NBEA: variants seen among roughly 807,000 people sequenced by gnomAD.
NBEA encodes the protein lysosomal-trafficking regulator 2.
NBEA carries 44 observed loss-of-function variants against 343.4 expected under a neutral mutation model. That is an observed-to-expected ratio of 0.13 (90% CI 0.10 to 0.16). NBEA has a LOEUF of 0.16. NBEA is among the 10% of genes least tolerant of loss of function. The probability of loss-of-function intolerance (pLI) is 1.00; values close to 1 mark genes in which losing one functional copy is unlikely to be tolerated. For missense variants in NBEA, 2,555 were observed against 3,631.3 expected (o/e 0.70, Z 7.62); for synonymous variants, 1,175 against 1,238.7 (o/e 0.95, Z 1.08).
chr13:35,606,914 G>A (rs4943308), intron 48 of NBEA, among the ~76,000 whole-genome samples: 4,161 of 152,138 alleles, frequency 0.027, 125 homozygotes, highest in Admixed American at 0.089. Context: ...TTTATCTACT[G>A]ACTAAATCTG....
intron 47 of NBEA, among the ~76,000 whole-genome samples, chr13:35,596,971 C>T (rs374392597): frequency 1.3e-5 from 2 of 151,268 alleles, no homozygotes. Context: ...AAAGTGAAAA[C>T]GTCTGGATCG....
At chr13:35,546,105 C>T (rs1451971600) in intron 41 of NBEA, among the ~76,000 whole-genome samples, 1 of 152,082 alleles carries the variant, frequency 6.6e-6, no homozygotes, top group Non-Finnish European at 1.5e-5. Flanking sequence ...CACTGTGTAT[C>T]GAACAGTAAA....
intron 10 of NBEA, among the ~76,000 whole-genome samples, chr13:35,079,356 C>T (rs998470367): frequency 4.6e-5 from 7 of 151,908 alleles, no homozygotes; most frequent in South Asian, 2.1e-4. Context: ...TACAAAAATA[C>T]GGAAAACAAG....
chr13:35,299,447 A>G (rs2036386112), intron 35 of NBEA, among the ~76,000 whole-genome samples: 1 of 152,174 alleles, frequency 6.6e-6, no homozygotes, highest in African/African-American at 2.4e-5. Context: ...GCGATTGTGA[A>G]GAGAACATAG....
In NBEA at chr13:34,999,133, T is replaced by C. The variant is rs553747193; in HGVS notation, c.295-41800T>C. ...AGAAATAGAGACATACTATAAATAT[T>C]TATAACAAACAAAATTGGGGTAAGA... On this transcript the variant is annotated intron_variant, in intron 1 of 58. Coordinates refer to ENST00000379939, the MANE Select transcript of NBEA (RefSeq NM_001385012.1). 4.6e-5 allele frequency among the ~76,000 whole-genome samples: 7 copies of C among 152,256 alleles called. No homozygotes were observed. The South Asian group carries it at 1.2e-3, about 27-fold the overall frequency.
At chr13:35,415,218 G>A (rs560423400) in intron 38 of NBEA, among the ~76,000 whole-genome samples, 17 of 152,298 alleles carry the variant, frequency 1.1e-4, no homozygotes, top group Middle Eastern at 6.8e-3. Context: ...CTTGTGCTGT[G>A]CAGAAGCTCT....
intron 47 of NBEA, among the ~76,000 whole-genome samples, chr13:35,602,918 T>G (rs574069227): frequency 2.6e-5 from 4 of 152,198 alleles, no homozygotes; most frequent in Non-Finnish European, 5.9e-5. Context: ...CTAGAGTGCC[T>G]AAATGAAAAT....
Position 35,494,631 on chromosome 13 carries a change from T to C in NBEA, c.6585+22095T>C, listed in dbSNP as rs868066237. Among the ~76,000 whole-genome samples the C allele has an allele frequency of 7.2e-5, 11 of 151,772 alleles. No homozygotes were observed. In the South Asian group the frequency reaches 1.0e-3, roughly 14 times the overall value. The stretch of plus-strand genomic sequence containing the variant: ...GAGGAAGAGGTGAACAAAAAAGATA[T>C]GAAAGATACAGAAAACGAAAAGCAA... On this transcript the variant is annotated intron_variant, in intron 41 of 58. Transcript: ENST00000379939.
chr13:35,322,482 T>C (rs1370801933), intron 36 of NBEA, among the ~76,000 whole-genome samples: 5 of 152,232 alleles, frequency 3.3e-5, no homozygotes, highest in South Asian at 4.1e-4. Flanking sequence ...TGAGATGAGC[T>C]GGGTACCTCA....
At chr13:35,271,215 G>T (rs1349613922) in intron 34 of NBEA, among the ~76,000 whole-genome samples, 3 of 152,180 alleles carry the variant, frequency 2.0e-5, no homozygotes, top group Non-Finnish European at 2.9e-5. Context: ...AGGCAAACAG[G>T]GTCTAAAGTG....
At chr13:35,163,856 T>C (rs369714282) in intron 23 of NBEA, among the ~76,000 whole-genome samples, 8 of 152,186 alleles carry the variant, frequency 5.3e-5, no homozygotes, top group East Asian at 3.9e-4. Flanking sequence ...GCTGAAGTCA[T>C]TGGGGATGTG....
chr13:35,066,131 T>A (rs1269601299), intron 8 of NBEA, among the ~76,000 whole-genome samples: 1 of 152,084 alleles, frequency 6.6e-6, no homozygotes. Context: ...TGACTAATTT[T>A]TCAGTTTTTT....
chr13:35,664,014 C>G (rs545756985), intron 55 of NBEA, among the ~76,000 whole-genome samples: 1 of 152,132 alleles, frequency 6.6e-6, no homozygotes, highest in African/African-American at 2.4e-5. Flanking sequence ...GGAAGGGGCT[C>G]TTGGCCGACC....
intron 1 of NBEA, among the ~76,000 whole-genome samples, chr13:34,966,920 A>G (rs2059839220): frequency 6.6e-6 from 1 of 150,814 alleles, no homozygotes. Flanking sequence ...AATGCAAATC[A>G]TCTGTGCTAA....
chr13:35,625,762 A>G (rs2083204214), intron 48 of NBEA, among the ~76,000 whole-genome samples: 1 of 152,236 alleles, frequency 6.6e-6, no homozygotes, highest in African/African-American at 2.4e-5. Context: ...TATTAAAAAG[A>G]TGTCAAATCT....
intron 38 of NBEA, among the ~76,000 whole-genome samples, chr13:35,389,369 C>G (rs1258266435): frequency 6.6e-6 from 1 of 152,032 alleles, no homozygotes; most frequent in Admixed American, 6.6e-5. Context: ...TCTAAAATAA[C>G]CGTTGCTTTT....
At chr13:35,331,667 A>T (rs989238309) in intron 36 of NBEA, among the ~76,000 whole-genome samples, 5 of 152,086 alleles carry the variant, frequency 3.3e-5, no homozygotes, top group African/African-American at 1.2e-4. Context: ...ACTTCCAAGA[A>T]CATCAGAACT....
chr13:35,338,881 A>G (rs951591596), intron 36 of NBEA, among the ~76,000 whole-genome samples: 1 of 152,126 alleles, frequency 6.6e-6, no homozygotes, highest in African/African-American at 2.4e-5. Context: ...TATTGCTGAA[A>G]TGACTGGGAG....
Position 35,671,270 on chromosome 13 carries a change from G to A in NBEA, c.*279G>A. 1 of 268,662 alleles carries A rather than the reference G, an allele frequency of 3.7e-6. No homozygotes were observed. The highest frequency in any genetic ancestry group is 7.1e-6 in the Non-Finnish European group (1 of 140,208). The allele number at this position is 268,662 out of a possible 1,614,324, so 16.6% of individuals were successfully genotyped here. A position where few individuals can be genotyped will look rare whatever the true frequency, so the allele number is the denominator to read the frequency against. ...CATATATTGTTGTTTATTGAGAAAA[G>A]GTTGTAGGATGTGTCACAAGAGACT... On this transcript the variant is annotated 3_prime_UTR_variant, in exon 59 of 59. Coordinates refer to ENST00000379939, the MANE Select transcript of NBEA (RefSeq NM_001385012.1).
Sources: gnomAD v4.1 joint callset for allele counts (sites outside exome capture counted in the v4.1 genomes callset) on GRCh38, gnomAD v4.1.1 for gene constraint, MANE v1.5 for transcripts, NCBI Gene and HGNC (gene_info 2026-07-23, HGNC 2026-07-21) for gene names.